Variants in NOS2 observed in about 807,000 individuals in gnomAD.
NOS2 encodes nitric oxide synthase 2.
Under a neutral mutation model 136.0 loss-of-function variants are expected in NOS2, and 96 were observed. The observed-to-expected ratio is 0.71, with a 90% confidence interval of 0.60 to 0.84. The LOEUF (loss-of-function observed/expected upper bound fraction) is 0.84. NOS2 is among the 40% of genes least tolerant of loss of function. The probability of loss-of-function intolerance (pLI) is 0.00; values close to 1 mark genes in which losing one functional copy is unlikely to be tolerated. For synonymous variants in NOS2, 539 were observed against 587.5 expected (o/e 0.92, Z 1.20); for missense variants, 1,237 against 1,496.9 (o/e 0.83, Z 2.87).
intron 9 of NOS2, among the ~76,000 whole-genome samples, chr17:27,779,753 TCTGA>T (rs1355658757): frequency 6.6e-6 from 1 of 152,214 alleles, no homozygotes; most frequent in Non-Finnish European, 1.5e-5. Flanking sequence ...AAGTTCTGCC[TCTGA>T]CTAGCAGTGT....
intron 14 of NOS2, among the ~76,000 whole-genome samples, chr17:27,772,024 G>T (rs1908511368): frequency 1.3e-5 from 2 of 152,196 alleles, no homozygotes; most frequent in Admixed American, 1.3e-4. Flanking sequence ...GGTGTTCAGT[G>T]AGCCTGAATA....
intron 5 of NOS2, among the ~76,000 whole-genome samples, chr17:27,784,396 G>A (rs930976250): frequency 2.6e-4 from 39 of 152,158 alleles, no homozygotes; most frequent in African/African-American, 8.0e-4. Context: ...CCTGCCATAA[G>A]GAGCTGCTGG....
At chr17:27,760,498 G>T in intron 24 of NOS2, 125 bp downstream of exon 24, 1 of 1,333,636 alleles carries the variant, frequency 7.5e-7, no homozygotes, top group Non-Finnish European at 1.0e-6. Flanking sequence ...GGCCCGCACA[G>T]GGAAGCAAAC....
At chr17:27,772,271 A>G in intron 14 of NOS2, 37 bp downstream of exon 14, 1 of 1,612,800 alleles carries the variant, frequency 6.2e-7, no homozygotes, top group Non-Finnish European at 8.5e-7. Context: ...CCTGCACACA[A>G]GCAGAAAAAA....
chr17:27,773,158 CACTT>C lies in NOS2; in HGVS notation c.1558_1559+2del. On this transcript the variant is annotated splice_donor_variant and coding_sequence_variant, in exon 13 of 27. Transcript: ENST00000313735. LOFTEE classifies it high-confidence loss of function. ...ACTACTAGCCACTGCCACTGCCACTCACTTGACCAAGACTTTCAATGGAATCTCT... is the reference window on the plus strand; with the variant it reads ...ACTACTAGCCACTGCCACTGCCACTCGACCAAGACTTTCAATGGAATCTCT... The C allele has an allele frequency of 6.2e-7, 1 of 1,612,166 alleles. No homozygotes were observed. The highest frequency in any genetic ancestry group is 1.1e-5 in the South Asian group (1 of 91,030).
chr17:27,766,727 T>A (rs753040127), intron 18 of NOS2, 139 bp from the exon 19 acceptor site: 3 of 688,518 alleles, frequency 4.4e-6, no homozygotes, highest in South Asian at 1.6e-5. Context: ...GTTTTTCTTT[T>A]TCTTCCTTTT....
rs528227696 is a variant in NOS2, at chr17:27,759,008, G to A, written c.3227C>T (p.Pro1076Leu). ...ATCCCCGCAAACATAGAGGTGGCCT[G>A]GCTCCTTGTGGAGCACACGGAGCAC... ...SEVLRVLHKE[P>L]GHLYVCGDVR... The change falls in exon 26 of 27, where the codon CCA becomes CTA. Residue 1076 changes from proline (P) to leucine (L), a missense_variant. Around this residue, in one of 3 missense-constraint regions of NOS2, gnomAD observed 782 missense variants for 909.9 expected, o/e 0.86. Coordinates refer to ENST00000313735, the MANE Select transcript of NOS2 (RefSeq NM_000625.4). 1 of 1,612,556 alleles carries A rather than the reference G, an allele frequency of 6.2e-7. No homozygotes were observed. Among genetic ancestry groups the A allele is most frequent in the African/African-American group, 1.3e-5 (1 of 75,048 alleles).
intron 18 of NOS2, among the ~76,000 whole-genome samples, chr17:27,767,330 C>A (rs1908338155): frequency 6.6e-6 from 1 of 152,236 alleles, no homozygotes; most frequent in African/African-American, 2.4e-5. Context: ...GGCTCAGACC[C>A]CAACATGGCC....
intron 5 of NOS2, among the ~76,000 whole-genome samples, 190 bp downstream of exon 5, chr17:27,787,487 AC>A (rs1250494089): frequency 6.6e-6 from 1 of 152,172 alleles, no homozygotes; most frequent in Non-Finnish European, 1.5e-5. Context: ...ACGTTATCCC[AC>A]AATTATGAGA....
In NOS2 at chr17:27,781,033, T is replaced by A; in HGVS notation, c.864+3A>T. ...GGCCGGTGGCTGAGGCTGGGCCGGG[T>A]ACCTGAGTGAATTCCACGTTGGCAG... On this transcript the variant is annotated splice_donor_region_variant and intron_variant, in intron 8 of 26. Coordinates refer to ENST00000313735, the MANE Select transcript of NOS2 (RefSeq NM_000625.4). 1 of 1,612,328 alleles carries A rather than the reference T, an allele frequency of 6.2e-7. No individual in the cohort carries two copies. The highest frequency in any genetic ancestry group is 8.5e-7 in the Non-Finnish European group (1 of 1,179,266).
rs1467491588 is a variant in NOS2 at position 27,779,339 on chromosome 17, C to T, written c.1005-283G>A. ...TATTATTATTATTATTTTATAGAGTCTCACTATGTTGCCCAGGCTGGTCTC... is the reference window on the plus strand; with the variant it reads ...TATTATTATTATTATTTTATAGAGTTTCACTATGTTGCCCAGGCTGGTCTC... On this transcript the variant is annotated intron_variant, in intron 9 of 26. Coordinates refer to ENST00000313735, the MANE Select transcript of NOS2 (RefSeq NM_000625.4). 2.7e-5 allele frequency among the ~76,000 whole-genome samples: 4 copies of T among 147,654 alleles called. No individual in the cohort carries two copies. In the South Asian group the frequency reaches 8.7e-4, roughly 32 times the overall value.
At chr17:27,763,732 G>A (rs1908209932) in intron 21 of NOS2, among the ~76,000 whole-genome samples, 1 of 151,840 alleles carries the variant, frequency 6.6e-6, no homozygotes, top group South Asian at 2.1e-4. Flanking sequence ...CCCCTTTCTA[G>A]CTAATGTTCA....
intron 24 of NOS2, 82 bp downstream of exon 24, chr17:27,760,541 C>T (rs1908085117): frequency 2.6e-6 from 4 of 1,537,570 alleles, no homozygotes; most frequent in Non-Finnish European, 2.6e-6. Context: ...AGGTCAGGAA[C>T]CGTTTGTGGG....
intron 14 of NOS2, among the ~76,000 whole-genome samples, chr17:27,771,730 AATGGCATTG>A (rs1295800599): frequency 6.6e-6 from 1 of 152,202 alleles, no homozygotes; most frequent in African/African-American, 2.4e-5. Context: ...GTGCATTAAC[AATGGCATTG>A]ACGCCTGCTT....
chr17:27,799,619 G>A (rs1174027310), intron 1 of NOS2, among the ~76,000 whole-genome samples: 1 of 152,208 alleles, frequency 6.6e-6, no homozygotes, highest in Admixed American at 6.5e-5. Context: ...CGAGGCAGGA[G>A]GATCGCTTGA....
rs991840441 is a variant in NOS2, at chr17:27,756,913, G to A, written c.*333C>T. ...TGTACACAAGGCAGTTAAATACACA[G>A]TGGTGCGATAGCACCTCCTGGTGGT... On this transcript the variant is annotated 3_prime_UTR_variant, in exon 27 of 27. Coordinates refer to ENST00000313735, the MANE Select transcript of NOS2 (RefSeq NM_000625.4). 28 of 303,152 alleles carry A rather than the reference G, an allele frequency of 9.2e-5. No homozygotes were observed. Among genetic ancestry groups the A allele is most frequent in the African/African-American group, 5.8e-4 (27 of 46,374 alleles). The allele number at this position is 303,152 out of a possible 1,614,324, so 18.8% of individuals were successfully genotyped here. A position where few individuals can be genotyped will look rare whatever the true frequency, so the allele number is the denominator to read the frequency against.
chr17:27,777,125 C>T (rs965362259), intron 11 of NOS2, among the ~76,000 whole-genome samples: 2 of 152,230 alleles, frequency 1.3e-5, no homozygotes, highest in African/African-American at 2.4e-5. Flanking sequence ...TCCCCTCCCC[C>T]GTCAAGCACA....
At chr17:27,786,900 A>T (rs1313423578) in intron 5 of NOS2, among the ~76,000 whole-genome samples, 2 of 152,250 alleles carry the variant, frequency 1.3e-5, no homozygotes, top group African/African-American at 4.8e-5. Flanking sequence ...AATGACAATT[A>T]AAAATCTTTG....
At chr17:27,791,773 A>AAAAAAAAAAAAC (rs1202259413) in intron 2 of NOS2, among the ~76,000 whole-genome samples, 2 of 136,776 alleles carry the variant, frequency 1.5e-5, no homozygotes, top group Non-Finnish European at 3.1e-5. Context: ...CTGCCAGAAA[A>AAAAAAAAAAAAC]AAACAAAACA....
Sources: allele counts gnomAD v4.1 joint callset (sites outside exome capture counted in the v4.1 genomes callset), GRCh38; gene constraint gnomAD v4.1.1; regional missense constraint gnomAD v4.1.1; transcripts MANE v1.5; gene names NCBI Gene and HGNC (gene_info 2026-07-23, HGNC 2026-07-21).